Variants in RASA3 observed in about 807,000 individuals in gnomAD.
The protein encoded by RASA3 is ras GTPase-activating protein 3.
Under a neutral mutation model 110.0 loss-of-function variants are expected in RASA3, and 73 were observed. The ratio of observed to expected loss-of-function variants is 0.66; its 90% CI spans 0.55 to 0.81. The LOEUF is 0.81. Among genes scored for constraint, RASA3 ranks in the 30% least tolerant of loss-of-function variants. The probability of loss-of-function intolerance (pLI) is 0.00; values close to 1 mark genes in which losing one functional copy is unlikely to be tolerated. For synonymous variants in RASA3, 500 were observed against 451.4 expected, an observed-to-expected ratio of 1.11 and a Z score of -1.37; for missense variants, 976 against 1,113.2, an observed-to-expected ratio of 0.88 and a Z score of 1.75.
Position 114,126,788 on chromosome 13 carries a change from A to C in RASA3, c.55+5647T>G, listed in dbSNP as rs115632623. Among the ~76,000 whole-genome samples, 543 of 152,174 alleles carry C rather than the reference A, an allele frequency of 3.6e-3. 2 individuals are homozygous for C. The highest frequency in any genetic ancestry group is 0.012 in the African/African-American group (517 of 41,414). ...ATCTAAGTCCCATTAATCTCTGCAAAAGAAGGCCTTGGCCTCCACTTTCAC... is the reference window on the plus strand; with the variant it reads ...ATCTAAGTCCCATTAATCTCTGCAACAGAAGGCCTTGGCCTCCACTTTCAC... On this transcript the variant is annotated intron_variant, in intron 1 of 23. Coordinates refer to ENST00000334062, the MANE Select transcript of RASA3 (RefSeq NM_007368.4).
At chr13:114,054,042 C>T (rs575582745) in intron 2 of RASA3, among the ~76,000 whole-genome samples, 3 of 152,280 alleles carry the variant, frequency 2.0e-5, no homozygotes, top group African/African-American at 7.2e-5. Context: ...AGGAGAATCG[C>T]TTGAACCTGG....
intron 8 of RASA3, among the ~76,000 whole-genome samples, chr13:114,022,287 G>A (rs1193119716): frequency 6.6e-6 from 1 of 152,142 alleles, no homozygotes; most frequent in African/African-American, 2.4e-5. Context: ...TCAGACCTGG[G>A]GCTGTGAAAT....
chr13:114,103,600 C>A (rs1383605185), intron 1 of RASA3, among the ~76,000 whole-genome samples: 1 of 8,080 alleles, frequency 1.2e-4, no homozygotes. Flanking sequence ...GACACCCACC[C>A]CCGATGCGTC....
intron 13 of RASA3, 23 bp downstream of exon 13, chr13:114,016,174 G>C: frequency 6.5e-7 from 1 of 1,548,588 alleles, no homozygotes; most frequent in Non-Finnish European, 8.9e-7. Flanking sequence ...ACTGGCTTTG[G>C]TTGGTTCATG....
In RASA3 at chr13:114,076,761, A is replaced by G. The variant is rs563181673; in HGVS notation, c.56-2924T>C. Among the ~76,000 whole-genome samples, 5 of 151,926 alleles carry G rather than the reference A, an allele frequency of 3.3e-5. No homozygotes were observed. The East Asian group carries it at 9.8e-4, about 30-fold the overall frequency. On this transcript the variant is annotated intron_variant, in intron 1 of 23. Transcript: ENST00000334062. ...CCCTGAATTTGAGGGCAGCCGCAGCACACCCAGCAAGTCGGACAGGGGCCC... is the reference window on the plus strand; with the variant it reads ...CCCTGAATTTGAGGGCAGCCGCAGCGCACCCAGCAAGTCGGACAGGGGCCC...
intron 20 of RASA3, among the ~76,000 whole-genome samples, 185 bp from the exon 21 acceptor site, chr13:113,996,924 C>T (rs2053270334): frequency 6.6e-6 from 1 of 152,268 alleles, no homozygotes; most frequent in Admixed American, 6.5e-5. Flanking sequence ...GCATGGAGCT[C>T]TCTGCCACCC....
At chr13:113,997,359 C>T (rs1218236691) in intron 20 of RASA3, among the ~76,000 whole-genome samples, 1 of 152,214 alleles carries the variant, frequency 6.6e-6, no homozygotes, top group Non-Finnish European at 1.5e-5. Flanking sequence ...AGAGTTTCTA[C>T]TGAACCTGCA....
intron 18 of RASA3, among the ~76,000 whole-genome samples, chr13:114,004,839 A>G (rs2053479475): frequency 6.6e-6 from 1 of 152,214 alleles, no homozygotes; most frequent in South Asian, 2.1e-4. Flanking sequence ...TTACCGCTGA[A>G]CCACTCACAA....
rs1483513347 is a variant in RASA3 at position 114,048,387 on chromosome 13, A to T, written c.277+3665T>A. ...CCCACCCCATTGGGAAGCCTCAGAG[A>T]GTCTCTAGGGGCTGGAGGGGCAAAT... On this transcript the variant is annotated intron_variant, in intron 3 of 23. Transcript: ENST00000334062. This position sits in a 1 kb window ranked among gnomAD's most constrained non-coding sequence, Gnocchi z 4.3. Among the ~76,000 whole-genome samples the T allele has an allele frequency of 6.6e-6, 1 of 151,466 alleles. No homozygotes were observed. Among genetic ancestry groups the T allele is most frequent in the African/African-American group, 2.4e-5 (1 of 41,210 alleles).
At chr13:114,038,262 C>T (rs886254623) in intron 4 of RASA3, among the ~76,000 whole-genome samples, 27 of 152,220 alleles carry the variant, frequency 1.8e-4, no homozygotes, top group African/African-American at 6.0e-4. Context: ...CAGGCGGGAG[C>T]GGCCCAGTCA....
intron 22 of RASA3, among the ~76,000 whole-genome samples, chr13:113,990,882 A>G (rs1048805519): frequency 1.3e-5 from 2 of 152,252 alleles, no homozygotes; most frequent in Admixed American, 6.5e-5. Flanking sequence ...CTATGCATAC[A>G]TGTGTATGTG....
chr13:114,023,627 G>A (rs192040755), intron 8 of RASA3, among the ~76,000 whole-genome samples: 176 of 152,340 alleles, frequency 1.2e-3, no homozygotes, highest in African/African-American at 4.0e-3. Context: ...TGAGTCAGCG[G>A]GATCGTGGGG....
intron 2 of RASA3, among the ~76,000 whole-genome samples, chr13:114,054,809 T>C (rs2079209338): frequency 6.6e-6 from 1 of 152,256 alleles, no homozygotes; most frequent in South Asian, 2.1e-4. Context: ...GAAGGCCCAT[T>C]AGAAAGTCAC....
At chr13:114,098,834 A>G (rs2079981723) in intron 1 of RASA3, among the ~76,000 whole-genome samples, 1 of 152,170 alleles carries the variant, frequency 6.6e-6, no homozygotes, top group African/African-American at 2.4e-5. Context: ...ATTTTAACAG[A>G]GCTTTGGGCT....
At chr13:114,053,039 G>C (rs865807776) in intron 2 of RASA3, among the ~76,000 whole-genome samples, 74 of 115,586 alleles carry the variant, frequency 6.4e-4, no homozygotes, top group Middle Eastern at 7.6e-3. Flanking sequence ...TTAGAGTCCT[G>C]GCTCCTGGGG....
chr13:114,077,174 G>A (rs1438109377), intron 1 of RASA3, among the ~76,000 whole-genome samples: 2 of 152,164 alleles, frequency 1.3e-5, no homozygotes, highest in South Asian at 2.1e-4. Flanking sequence ...TTCCGAAGGC[G>A]GACACTGCAG....
At chr13:114,037,612 T>C (rs2054302856) in intron 4 of RASA3, among the ~76,000 whole-genome samples, 3 of 152,198 alleles carry the variant, frequency 2.0e-5, no homozygotes, top group African/African-American at 7.2e-5. Flanking sequence ...TACAATATTA[T>C]GAATATATTC....
At chr13:114,067,492 C>T (rs2079475726) in intron 2 of RASA3, among the ~76,000 whole-genome samples, 1 of 152,190 alleles carries the variant, frequency 6.6e-6, no homozygotes, top group Admixed American at 6.5e-5. Context: ...TTATTAAAAG[C>T]ATCTGAGAGA....
chr13:114,013,106 G>C lies in RASA3; in HGVS notation c.1512+36C>G, dbSNP rs201751628. On this transcript the variant is annotated intron_variant, in intron 15 of 23. Transcript: ENST00000334062. ...CAACCCAGGCCGGCGTCGCAGGACA[G>C]CTCAGAAAGCCTCGGTCCCTCAGCC... 6 of 1,580,068 alleles carry C rather than the reference G, an allele frequency of 3.8e-6. No individual in the cohort carries two copies. In the African/African-American group the frequency reaches 5.4e-5, roughly 14 times the overall value.
Sources: gnomAD v4.1 joint callset for allele counts (sites outside exome capture counted in the v4.1 genomes callset) on GRCh38, gnomAD v4.1.1 for gene constraint, Gnocchi (gnomAD v3.1) non-coding constraint, MANE v1.5 for transcripts, NCBI Gene and HGNC (gene_info 2026-07-23, HGNC 2026-07-21) for gene names.